Variants in HSD17B12 observed in about 807,000 individuals in gnomAD.
HSD17B12 encodes very-long-chain 3-oxoacyl-CoA reductase.
Under a neutral mutation model 39.3 loss-of-function variants are expected in HSD17B12, and 32 were observed. That is an observed-to-expected ratio of 0.81 (90% CI 0.61 to 1.09). The LOEUF (loss-of-function observed/expected upper bound fraction) is 1.09, where lower values mean the gene tolerates loss of function less well. Ranked by LOEUF, HSD17B12 falls within the 50% of genes least tolerant of loss-of-function variation. The pLI is 0.00. For synonymous variants in HSD17B12, 150 were observed against 146.7 expected (o/e 1.02, Z -0.16); for missense variants, 342 against 382.9 (o/e 0.89, Z 0.89).
rs1951576831 is a variant in HSD17B12 at position 43,855,694 on chromosome 11, T to C, written c.*446T>C. On this transcript the variant is annotated 3_prime_UTR_variant, in exon 11 of 11. Coordinates refer to ENST00000278353, the MANE Select transcript of HSD17B12 (RefSeq NM_016142.3). ...CTTGAAGAAATGGAGATCGATTTGA[T>C]TTGTTTATAAGCAGACACACTGCAA... The C allele has an allele frequency of 6.6e-6, 1 of 152,518 alleles. No individual in the cohort carries two copies. The highest frequency in any genetic ancestry group is 1.5e-5 in the Non-Finnish European group (1 of 68,106). 9.4% of individuals were successfully genotyped at this position (152,518 alleles called of 1,614,324 possible). A position where few individuals can be genotyped will look rare whatever the true frequency, so the allele number is the denominator to read the frequency against.
intron 3 of HSD17B12, among the ~76,000 whole-genome samples, chr11:43,774,364 C>T (rs1950678528): frequency 6.6e-6 from 1 of 152,100 alleles, no homozygotes; most frequent in Non-Finnish European, 1.5e-5. Flanking sequence ...CAGGCACATG[C>T]CATCACGCCC....
intron 5 of HSD17B12, among the ~76,000 whole-genome samples, chr11:43,815,887 T>C (rs1414859584): frequency 6.6e-6 from 1 of 152,194 alleles, no homozygotes; most frequent in African/African-American, 2.4e-5. Flanking sequence ...AGCAACGTGG[T>C]TGATTCAGGT....
At chr11:43,774,196 A>G (rs987826838) in intron 3 of HSD17B12, among the ~76,000 whole-genome samples, 2 of 151,686 alleles carry the variant, frequency 1.3e-5, no homozygotes, top group Non-Finnish European at 1.5e-5. Context: ...GAAAACCAAG[A>G]TGTTTTATGT....
At chr11:43,625,736 A>G in the HSD17B12 span, among the ~76,000 whole-genome samples, 2 of 151,310 alleles carry the variant, frequency 1.3e-5, no homozygotes, top group Non-Finnish European at 3.0e-5. Flanking sequence ...CTTACTCTTG[A>G]TATCTGGGTC....
chr11:43,841,208 A>G (rs1475869488), intron 9 of HSD17B12, among the ~76,000 whole-genome samples: 1 of 152,054 alleles, frequency 6.6e-6, no homozygotes, highest in Non-Finnish European at 1.5e-5. Context: ...AGTCCTTTGC[A>G]TATGTTTAAT....
At chr11:43,582,425 A>G in the HSD17B12 span, among the ~76,000 whole-genome samples, 6 of 152,204 alleles carry the variant, frequency 3.9e-5, no homozygotes, top group Admixed American at 6.5e-5. Context: ...AAGTGGCACA[A>G]ATCAGGCCTT....
chr11:43,746,158 A>T lies in HSD17B12; in HGVS notation c.161-4753A>T, dbSNP rs375758909. The stretch of plus-strand genomic sequence containing the variant: ...GGCCTAGGATATTACTGTAGACTTT[A>T]TAAACGTTTAATACTTGGGCTATAC... On this transcript the variant is annotated intron_variant, in intron 1 of 10. Coordinates refer to ENST00000278353, the MANE Select transcript of HSD17B12 (RefSeq NM_016142.3). 1.1e-4 allele frequency among the ~76,000 whole-genome samples: 16 copies of T among 152,210 alleles called. No individual in the cohort carries two copies. The East Asian group carries it at 1.2e-3, about 11-fold the overall frequency.
chr11:43,671,056 C>T, the HSD17B12 span, among the ~76,000 whole-genome samples: 14 of 152,176 alleles, frequency 9.2e-5, no homozygotes, highest in South Asian at 4.1e-4. Context: ...CCTCAAATTC[C>T]GCTATATTAT....
chr11:43,838,532 A>G, intron 8 of HSD17B12, 134 bp downstream of exon 8: 1 of 665,208 alleles, frequency 1.5e-6, no homozygotes, highest in Middle Eastern at 2.9e-4. Flanking sequence ...GAAAAGGAAA[A>G]TACCCTACTT....
At position 43,830,885 on chromosome 11, in the gene HSD17B12, C is replaced by T. The variant is rs1951302376; in HGVS notation, c.502-91C>T. On this transcript the variant is annotated intron_variant, in intron 6 of 10. Transcript: ENST00000278353. ...AGAAGTGGTGAATGGTTTCATGATT[C>T]CCTTCTTTTTAGTGTGGGTGAGTTT... 4.0e-6 allele frequency: 4 copies of T among 989,878 alleles called. No homozygotes were observed. In the Admixed American group the frequency reaches 5.8e-5, roughly 14 times the overall value. 61.3% of individuals were successfully genotyped at this position (989,878 alleles called of 1,614,324 possible). A position where few individuals can be genotyped will look rare whatever the true frequency, so the allele number is the denominator to read the frequency against.
intron 1 of HSD17B12, among the ~76,000 whole-genome samples, chr11:43,695,725 A>G (rs11037567): frequency 0.15 from 23,183 of 152,118 alleles, 1,916 homozygotes; most frequent in Non-Finnish European, 0.19. Context: ...GGAAGGAGGA[A>G]AATGGGCTTA....
chr11:43,620,155 T>A, the HSD17B12 span, among the ~76,000 whole-genome samples: 1 of 152,236 alleles, frequency 6.6e-6, no homozygotes, highest in African/African-American at 2.4e-5. Flanking sequence ...GGCCTCTCAA[T>A]GTCTGTAAGT....
intron 1 of HSD17B12, among the ~76,000 whole-genome samples, chr11:43,698,931 C>A (rs1323066106): frequency 2.6e-5 from 4 of 152,104 alleles, no homozygotes. Flanking sequence ...TTAGAACATA[C>A]CTAAAACAGA....
chr11:43,814,400 A>G (rs1417412420), intron 4 of HSD17B12, among the ~76,000 whole-genome samples: 1 of 152,046 alleles, frequency 6.6e-6, no homozygotes, highest in Non-Finnish European at 1.5e-5. Flanking sequence ...ATAGGCAGAT[A>G]GATAGATCAT....
At chr11:43,797,868 A>G (rs1261809091) in intron 3 of HSD17B12, among the ~76,000 whole-genome samples, 1 of 152,192 alleles carries the variant, frequency 6.6e-6, no homozygotes, top group East Asian at 1.9e-4. Context: ...TTGTGATAAG[A>G]TAGACTTTTT....
At chr11:43,855,072 T>C in intron 10 of HSD17B12, 72 bp from the exon 11 acceptor site, 1 of 1,196,724 alleles carries the variant, frequency 8.4e-7, no homozygotes, top group Non-Finnish European at 1.2e-6. Context: ...TAATAAAACA[T>C]TAAATCATAT....
At chr11:43,737,710 G>A (rs1458116410) in intron 1 of HSD17B12, among the ~76,000 whole-genome samples, 3 of 152,076 alleles carry the variant, frequency 2.0e-5, no homozygotes, top group Non-Finnish European at 4.4e-5. Context: ...ACTTATCCAC[G>A]TATTTCATAG....
chr11:43,603,482 A>T, the HSD17B12 span, among the ~76,000 whole-genome samples: 2 of 152,208 alleles, frequency 1.3e-5, no homozygotes, highest in East Asian at 1.9e-4. Flanking sequence ...AAGGAATTAC[A>T]TTAATTTGGA....
chr11:43,624,452 TTAAGC>T, the HSD17B12 span, among the ~76,000 whole-genome samples: 1 of 151,924 alleles, frequency 6.6e-6, no homozygotes, highest in Non-Finnish European at 1.5e-5. Flanking sequence ...AAGAGACTCA[TTAAGC>T]TATCTGTAAA....
Sources: gnomAD v4.1 joint callset for allele counts (sites outside exome capture counted in the v4.1 genomes callset) on GRCh38, gnomAD v4.1.1 for gene constraint, MANE v1.5 for transcripts, NCBI Gene and HGNC (gene_info 2026-07-23, HGNC 2026-07-21) for gene names.